The following HTR2C variants were observed in gnomAD, a reference collection of about 807,000 sequenced individuals.
HTR2C encodes the protein 5-hydroxytryptamine (serotonin) receptor 2C, G protein-coupled.
HTR2C carries 5 observed loss-of-function variants against 21.0 expected under a neutral mutation model. The ratio of observed to expected loss-of-function variants is 0.24; its 90% CI spans 0.12 to 0.50. The LOEUF (loss-of-function observed/expected upper bound fraction) is 0.50. Among genes scored for constraint, HTR2C ranks in the 20% least tolerant of loss-of-function variants. The pLI is 0.98. For synonymous variants in HTR2C, 150 were observed against 145.3 expected, an observed-to-expected ratio of 1.03 and a Z score of -0.23; for missense variants, 271 against 371.2, an observed-to-expected ratio of 0.73 and a Z score of 2.22.
rs139865972 is a variant in HTR2C at position 114,679,789 on chromosome X, A to G, written c.-79-47069A>G. 7.7e-4 allele frequency among the ~76,000 whole-genome samples: 86 copies of G among 111,881 alleles called. 1 individual carries two copies. In the East Asian group the frequency reaches 0.022, roughly 28 times the overall value. On this transcript the variant is annotated intron_variant, in intron 2 of 5. Coordinates refer to ENST00000276198, the MANE Select transcript of HTR2C (RefSeq NM_000868.4). ...TAGAGTCTTGCCCAGGTTCACAAAA[A>G]TAGAATCTAGGTCTTCACTTCTAGC...
chrX:114,776,590 G>T (rs1372065188), intron 4 of HTR2C: 2 of 521,066 alleles, frequency 3.8e-6, no homozygotes, highest in Non-Finnish European at 7.0e-6. Flanking sequence ...TGTTGGTGGG[G>T]TTCATTGCAG....
chrX:114,827,756 T>C (rs2070689989), intron 4 of HTR2C, among the ~76,000 whole-genome samples: 1 of 111,488 alleles, frequency 9.0e-6, no homozygotes, highest in African/African-American at 3.2e-5. Context: ...ATATTTCCAC[T>C]GGATATGGAA....
rs782049641 is a variant in HTR2C at position 114,826,439 on chromosome X, TCA to T, written c.350-21561_350-21560del. Among the ~76,000 whole-genome samples the T allele has an allele frequency of 3.6e-5, 4 of 112,031 alleles. No homozygotes were observed. In the East Asian group the frequency reaches 1.1e-3, roughly 32 times the overall value. On this transcript the variant is annotated intron_variant, in intron 4 of 5. Transcript: ENST00000276198. ...TTCTCAGCTGACCTCATGTGACTGG[TCA>T]CAGTCAAAATGCCATCAAAACTTTG...
intron 5 of HTR2C, among the ~76,000 whole-genome samples, chrX:114,889,979 G>T (rs1267215353): frequency 1.8e-5 from 2 of 111,474 alleles, no homozygotes; most frequent in Non-Finnish European, 3.8e-5. Flanking sequence ...TAGTTCTGAT[G>T]ATGTTGAATC....
At chrX:114,604,088 G>T (rs782385495) in intron 1 of HTR2C, among the ~76,000 whole-genome samples, 198 of 108,195 alleles carry the variant, frequency 1.8e-3, no homozygotes, top group African/African-American at 6.5e-3. Flanking sequence ...TAATGAGATG[G>T]TAAGGGGTGC....
chrX:114,825,015 A>G (rs1452919009), intron 4 of HTR2C, among the ~76,000 whole-genome samples: 2 of 111,897 alleles, frequency 1.8e-5, no homozygotes, highest in Non-Finnish European at 3.8e-5. Flanking sequence ...TCTACCTTTA[A>G]TTCTTAGTCG....
intron 2 of HTR2C, among the ~76,000 whole-genome samples, chrX:114,633,775 C>A (rs11797988): frequency 0.13 from 14,013 of 108,229 alleles, 772 homozygotes; most frequent in South Asian, 0.29. Context: ...TTCTCTCTCT[C>A]TATATATATA....
At chrX:114,887,602 G>T (rs2071229341) in intron 5 of HTR2C, among the ~76,000 whole-genome samples, 1 of 111,443 alleles carries the variant, frequency 9.0e-6, no homozygotes, top group Admixed American at 9.6e-5. Context: ...ATGTGCTTAT[G>T]TTGCTTTTGT....
At chrX:114,590,066 T>A (rs182969648) in intron 1 of HTR2C, 2 of 136,083 alleles carry the variant, frequency 1.5e-5, no homozygotes, top group Non-Finnish European at 1.4e-5. Flanking sequence ...CATACTAGAG[T>A]CAGGAAAAGT....
Position 114,633,947 on chromosome X carries a change from T to TATATATATATAG in HTR2C, c.-80+20067_-80+20068insTATATATATAGA, listed in dbSNP as rs201763901. Among the ~76,000 whole-genome samples the TATATATATATAG allele has an allele frequency of 4.0e-4, 37 of 92,177 alleles. 1 individual carries two copies. Among genetic ancestry groups the TATATATATATAG allele is most frequent in the Admixed American group, 2.0e-3 (15 of 7,674 alleles). 80.0% of individuals were successfully genotyped at this position (92,177 alleles called of 115,157 possible). On this transcript the variant is annotated intron_variant, in intron 2 of 5. Coordinates refer to ENST00000276198, the MANE Select transcript of HTR2C (RefSeq NM_000868.4). ...ATATGCATGTGTATATATATATATATAGAGAGAGAGAGAGAGATGGTAGGT... is the reference window on the plus strand; with the variant it reads ...ATATGCATGTGTATATATATATATATATATATATATAGAGAGAGAGAGAGAGAGATGGTAGGT...
At chrX:114,758,217 T>C (rs1388251277) in intron 4 of HTR2C, among the ~76,000 whole-genome samples, 1 of 111,585 alleles carries the variant, frequency 9.0e-6, no homozygotes, top group African/African-American at 3.3e-5. Flanking sequence ...AATATTTAAG[T>C]CTTAAAAGGA....
intron 5 of HTR2C, among the ~76,000 whole-genome samples, chrX:114,893,279 C>G (rs894199989): frequency 2.7e-5 from 3 of 110,702 alleles, no homozygotes; most frequent in Non-Finnish European, 5.7e-5. Context: ...GAAAAAAAAT[C>G]TAGGAGCATT....
At chrX:114,818,763 T>C (rs1405698617) in intron 4 of HTR2C, among the ~76,000 whole-genome samples, 1 of 112,015 alleles carries the variant, frequency 8.9e-6, no homozygotes, top group Non-Finnish European at 1.9e-5. Flanking sequence ...GATTTCATCC[T>C]GCAATAGTAG....
chrX:114,778,730 G>A (rs887249267), intron 4 of HTR2C, among the ~76,000 whole-genome samples: 35 of 110,660 alleles, frequency 3.2e-4, no homozygotes, highest in African/African-American at 1.1e-3. Context: ...AAAAGTTTAC[G>A]TCTGCCATTA....
At chrX:114,600,048 A>G (rs1928021567) in intron 1 of HTR2C, among the ~76,000 whole-genome samples, 1 of 111,828 alleles carries the variant, frequency 8.9e-6, no homozygotes, top group Non-Finnish European at 1.9e-5. Context: ...GAGAAAGGGA[A>G]AGGAATCAAC....
chrX:114,690,127 T>C (rs782188830), intron 2 of HTR2C, among the ~76,000 whole-genome samples: 63 of 111,502 alleles, frequency 5.7e-4, no homozygotes, highest in African/African-American at 2.0e-3. Flanking sequence ...ATTATTTTGG[T>C]CAACACATCT....
chrX:114,604,549 G>C, intron 1 of HTR2C, among the ~76,000 whole-genome samples: 1 of 110,046 alleles, frequency 9.1e-6, no homozygotes, highest in South Asian at 4.1e-4. Context: ...CGAGGCGATC[G>C]GGCAGTGTCA....
At position 114,689,002 on chromosome X, in the gene HTR2C, G is replaced by A. The variant is rs141002378; in HGVS notation, c.-79-37856G>A. 9.6e-3 allele frequency among the ~76,000 whole-genome samples: 1,029 copies of A among 107,505 alleles called. 16 individuals carry two copies. The highest frequency in any genetic ancestry group is 0.033 in the African/African-American group (980 of 29,389). The allele number at this position is 107,505 out of a possible 115,157, so 93.4% of individuals were successfully genotyped here. ...TCGTGCCCCTGTAACCCTTCCCCTC[G>A]AGTCCCCAGAGTCCATTATATCATC... On this transcript the variant is annotated intron_variant, in intron 2 of 5. Transcript: ENST00000276198.
Position 114,745,272 on chromosome X carries a change from A to T in HTR2C, c.349+13665A>T, listed in dbSNP as rs782692440. Reference sequence around the variant, plus strand: ...CTACAATCTCGCCCCAGTTAAAATGACTTGTGTCCAAAAGACAGGCAATAA... The same window carrying T: ...CTACAATCTCGCCCCAGTTAAAATGTCTTGTGTCCAAAAGACAGGCAATAA... On this transcript the variant is annotated intron_variant, in intron 4 of 5. Coordinates refer to ENST00000276198, the MANE Select transcript of HTR2C (RefSeq NM_000868.4). Among the ~76,000 whole-genome samples the T allele has an allele frequency of 2.7e-5, 3 of 112,533 alleles. No homozygotes were observed. The South Asian group carries it at 1.1e-3, about 41-fold the overall frequency.
Sources: allele counts gnomAD v4.1 joint callset (sites outside exome capture counted in the v4.1 genomes callset), GRCh38; gene constraint gnomAD v4.1.1; transcripts MANE v1.5; gene names NCBI Gene and HGNC (gene_info 2026-07-23, HGNC 2026-07-21).